CCDC91: variants seen among roughly 807,000 people sequenced by gnomAD.
The protein encoded by CCDC91 is coiled-coil domain containing 91, also known as coiled-coil domain-containing protein 91.
Under a neutral mutation model 63.2 loss-of-function variants are expected in CCDC91, and 48 were observed. The observed-to-expected ratio is 0.76, with a 90% confidence interval of 0.60 to 0.97. The LOEUF is 0.97. Ranked by LOEUF, CCDC91 falls within the 50% of genes least tolerant of loss-of-function variation. The pLI is 0.00. For missense variants in CCDC91, 500 were observed against 494.6 expected, an observed-to-expected ratio of 1.01 and a Z score of -0.10; for synonymous variants, 167 against 165.8, an observed-to-expected ratio of 1.01 and a Z score of -0.06.
chr12:28,277,423 T>C (rs978283807), intron 3 of CCDC91, among the ~76,000 whole-genome samples: 2 of 152,050 alleles, frequency 1.3e-5, no homozygotes, highest in African/African-American at 2.4e-5. Context: ...AAAAACTGAA[T>C]ACAACTGCAT....
At chr12:28,531,523 A>G (rs1592974948) in intron 12 of CCDC91, among the ~76,000 whole-genome samples, 4 of 152,126 alleles carry the variant, frequency 2.6e-5, no homozygotes, top group Admixed American at 1.3e-4. Context: ...TATTTTATTA[A>G]TAGATAATGT....
chr12:28,526,930 A>G (rs1248631873), intron 12 of CCDC91, among the ~76,000 whole-genome samples: 1 of 151,910 alleles, frequency 6.6e-6, no homozygotes, highest in Non-Finnish European at 1.5e-5. Flanking sequence ...GTATTTCTAT[A>G]AGTGTGTCCA....
At position 28,526,932 on chromosome 12, in the gene CCDC91, G is replaced by A. The variant is rs116139680; in HGVS notation, c.1216-22131G>A. Among the ~76,000 whole-genome samples, 559 of 152,002 alleles carry A rather than the reference G, an allele frequency of 3.7e-3. 3 individuals are homozygous for A. Among genetic ancestry groups the A allele is most frequent in the African/African-American group, 0.013 (533 of 41,478 alleles). On this transcript the variant is annotated intron_variant, in intron 12 of 12. Transcript: ENST00000536442. ...TCCAGAGCATTTTGTATTTCTATAAGTGTGTCCATCATTTCCTGAAGGTTT... is the reference window on the plus strand; with the variant it reads ...TCCAGAGCATTTTGTATTTCTATAAATGTGTCCATCATTTCCTGAAGGTTT...
intron 1 of CCDC91, among the ~76,000 whole-genome samples, chr12:28,228,794 T>G (rs1342514737): frequency 1.3e-5 from 2 of 152,136 alleles, no homozygotes; most frequent in East Asian, 1.9e-4. Context: ...TTAAAAGAAA[T>G]AAATTTGCTC....
At chr12:28,403,099 G>T (rs937729353) in intron 8 of CCDC91, among the ~76,000 whole-genome samples, 6 of 152,098 alleles carry the variant, frequency 3.9e-5, no homozygotes, top group African/African-American at 1.4e-4. Context: ...TTGATCTATA[G>T]TTTTCTTTTC....
chr12:28,257,202 G>A lies in CCDC91; in HGVS notation c.-14G>A, dbSNP rs774094072. 1.2e-6 allele frequency: 2 copies of A among 1,603,718 alleles called. No homozygotes were observed. Among genetic ancestry groups the A allele is most frequent in the South Asian group, 1.1e-5 (1 of 90,832 alleles). ...TGTTTCAATATCTTATATTTTTCAG[G>A]TGCCACTTGAAGAATGGATGATGAT... On this transcript the variant is annotated splice_region_variant and 5_prime_UTR_variant, in exon 2 of 13. The change creates a new upstream start codon in the 5' untranslated region. Coordinates refer to ENST00000536442, the MANE Select transcript of CCDC91 (RefSeq NM_018318.5).
intron 6 of CCDC91, among the ~76,000 whole-genome samples, chr12:28,336,628 G>T (rs1209047563): frequency 6.6e-6 from 1 of 152,154 alleles, no homozygotes; most frequent in Admixed American, 6.5e-5. Context: ...GTTATTTCTA[G>T]TATGCATGGC....
intron 12 of CCDC91, among the ~76,000 whole-genome samples, chr12:28,503,226 C>T (rs954440838): frequency 1.3e-5 from 2 of 152,100 alleles, no homozygotes; most frequent in African/African-American, 2.4e-5. Context: ...TGAACTCCAA[C>T]AAATTTACAA....
intron 11 of CCDC91, among the ~76,000 whole-genome samples, chr12:28,453,471 C>A (rs1949913089): frequency 6.6e-6 from 1 of 151,816 alleles, no homozygotes; most frequent in South Asian, 2.1e-4. Context: ...ACTCATTAAT[C>A]TTAATGAAGC....
Position 28,305,987 on chromosome 12 carries a change from C to T in CCDC91, c.267+181C>T, listed in dbSNP as rs540907376. ...AAAAAACTATATAATATGTTTGTGT[C>T]GTGGCACAATTGCAAAGTATTTAAG... On this transcript the variant is annotated intron_variant, in intron 4 of 12. Transcript: ENST00000536442. Among the ~76,000 whole-genome samples, 156 of 152,054 alleles carry T rather than the reference C, an allele frequency of 1.0e-3. 1 individual carries two copies. The highest frequency in any genetic ancestry group is 3.4e-3 in the African/African-American group (141 of 41,508).
intron 1 of CCDC91, among the ~76,000 whole-genome samples, chr12:28,206,643 C>A (rs1942875667): frequency 6.6e-6 from 1 of 152,160 alleles, no homozygotes; most frequent in South Asian, 2.1e-4. Flanking sequence ...TCCCCTGCAA[C>A]TGAGTTTCTA....
rs79307661 is a variant in CCDC91 at position 28,368,666 on chromosome 12, G to C, written c.654+6151G>C. On this transcript the variant is annotated intron_variant, in intron 7 of 12. Coordinates refer to ENST00000536442, the MANE Select transcript of CCDC91 (RefSeq NM_018318.5). The stretch of plus-strand genomic sequence containing the variant: ...ACATATCTGTTTTTAGTTGTTACAT[G>C]TTAATGTTAGTTTGTTTTCATACTG... Among the ~76,000 whole-genome samples, 1,404 of 152,202 alleles carry C rather than the reference G, an allele frequency of 9.2e-3. 27 individuals are homozygous for C. The highest frequency in any genetic ancestry group is 0.032 in the African/African-American group (1,334 of 41,532).
At chr12:28,392,310 G>C (rs921537513) in intron 8 of CCDC91, among the ~76,000 whole-genome samples, 4 of 152,106 alleles carry the variant, frequency 2.6e-5, no homozygotes, top group African/African-American at 9.7e-5. Context: ...ACTTGGTTGT[G>C]CCCTAAACTC....
intron 8 of CCDC91, among the ~76,000 whole-genome samples, chr12:28,446,120 A>G (rs1243808516): frequency 6.6e-6 from 1 of 152,180 alleles, no homozygotes; most frequent in African/African-American, 2.4e-5. Flanking sequence ...GGTCTCCACT[A>G]TGCCTCTTAA....
intron 11 of CCDC91, among the ~76,000 whole-genome samples, chr12:28,459,610 A>G (rs1950211078): frequency 6.6e-6 from 1 of 151,972 alleles, no homozygotes; most frequent in South Asian, 2.1e-4. Context: ...GATTCTTATT[A>G]TTGTTACTCA....
intron 1 of CCDC91, among the ~76,000 whole-genome samples, chr12:28,206,290 C>T (rs752162424): frequency 6.6e-6 from 1 of 152,142 alleles, no homozygotes; most frequent in East Asian, 1.9e-4. Flanking sequence ...AACTTAGGGC[C>T]TTAGCACCAC....
intron 3 of CCDC91, among the ~76,000 whole-genome samples, chr12:28,284,320 G>A (rs770614913): frequency 9.9e-5 from 15 of 152,062 alleles, no homozygotes; most frequent in Non-Finnish European, 1.9e-4. Context: ...TTCACCCTTT[G>A]TGATTATACT....
chr12:28,470,234 T>G (rs1375213418), intron 11 of CCDC91, among the ~76,000 whole-genome samples: 1 of 152,006 alleles, frequency 6.6e-6, no homozygotes, highest in Non-Finnish European at 1.5e-5. Flanking sequence ...AACAACCCTA[T>G]AGGAAACAAT....
chr12:28,393,836 C>G (rs2139347454), intron 8 of CCDC91, among the ~76,000 whole-genome samples: 1 of 152,206 alleles, frequency 6.6e-6, no homozygotes, highest in South Asian at 2.1e-4. Flanking sequence ...AATGCCTTCT[C>G]AAAAGTGGCC....
Sources: allele counts gnomAD v4.1 joint callset (sites outside exome capture counted in the v4.1 genomes callset), GRCh38; gene constraint gnomAD v4.1.1; transcripts MANE v1.5; gene names NCBI Gene and HGNC (gene_info 2026-07-23, HGNC 2026-07-21).